The following NKIRAS1 variants were observed in gnomAD, a reference collection of about 807,000 sequenced individuals.
NKIRAS1 encodes the protein NF-kappa-B inhibitor-interacting Ras-like protein 1.
NKIRAS1 carries 16 observed loss-of-function variants against 19.8 expected under a neutral mutation model. The ratio of observed to expected loss-of-function variants is 0.81; its 90% CI spans 0.55 to 1.23. The LOEUF is 1.23. Ranked by LOEUF, NKIRAS1 falls within the 50% of genes most tolerant of loss-of-function variation. The probability of loss-of-function intolerance (pLI) is 0.00; values close to 1 mark genes in which losing one functional copy is unlikely to be tolerated. For missense variants in NKIRAS1, 184 were observed against 220.0 expected, an observed-to-expected ratio of 0.84 and a Z score of 1.04; for synonymous variants, 88 against 79.0, an observed-to-expected ratio of 1.11 and a Z score of -0.61.
At chr3:23,909,761 T>C (rs1364725551) in intron 3 of NKIRAS1, among the ~76,000 whole-genome samples, 1 of 152,148 alleles carries the variant, frequency 6.6e-6, no homozygotes, top group Non-Finnish European at 1.5e-5. Context: ...ATGAATGAGG[T>C]AGCCCAATTC....
chr3:23,945,507 G>A, intron 1 of NKIRAS1: 3 of 964,716 alleles, frequency 3.1e-6, no homozygotes, highest in Non-Finnish European at 1.3e-6. Flanking sequence ...GCGGCGCGGC[G>A]CTGAGGCGGC....
Position 23,900,964 on chromosome 3 carries a change from A to G in NKIRAS1, c.180T>C (p.Tyr60=), listed in dbSNP as rs1194228902. 1 of 1,614,096 alleles carries G rather than the reference A, an allele frequency of 6.2e-7. No individual in the cohort carries two copies. The highest frequency in any genetic ancestry group is 1.3e-5 in the African/African-American group (1 of 74,942). The part of the protein sequence containing the change: ...DRGVKEQLHL[Y]DTRGLQEGVE... Reference sequence around the variant, plus strand: ...CGCCTTCCTGTAGACCTCTGGTGTCATAAAGATGTAACTGTTCTTTTACTC... The same window carrying G: ...CGCCTTCCTGTAGACCTCTGGTGTCGTAAAGATGTAACTGTTCTTTTACTC... Residue 60 remains tyrosine, a synonymous_variant, in exon 4 of 5, where the codon TAT becomes TAC. Transcript: ENST00000425478.
chr3:23,923,279 A>G (rs1705147782), intron 1 of NKIRAS1: 1 of 148,008 alleles, frequency 6.8e-6, no homozygotes, highest in Non-Finnish European at 1.5e-5. Flanking sequence ...GGAGTACAGT[A>G]ACACAATCTT....
intron 3 of NKIRAS1, among the ~76,000 whole-genome samples, chr3:23,906,644 T>C (rs1414697471): frequency 6.8e-6 from 1 of 146,464 alleles, no homozygotes; most frequent in African/African-American, 2.5e-5. Context: ...TTCTTCCTTA[T>C]GATTTTTTTT....
intron 3 of NKIRAS1, among the ~76,000 whole-genome samples, chr3:23,904,345 T>C (rs1702814528): frequency 6.6e-6 from 1 of 152,178 alleles, no homozygotes; most frequent in Non-Finnish European, 1.5e-5. Context: ...TGTGTTGTTA[T>C]GGCACAGTCC....
chr3:23,946,071 G>T, intron 1 of NKIRAS1: 1 of 981,960 alleles, frequency 1.0e-6, no homozygotes, highest in Non-Finnish European at 1.2e-6. Flanking sequence ...GCAGCCTCCC[G>T]GGAGGCTCCG....
chr3:23,916,294 A>T (rs1008632572), intron 1 of NKIRAS1: 8 of 152,266 alleles, frequency 5.3e-5, no homozygotes, highest in African/African-American at 1.9e-4. Context: ...GTAAGCCAGT[A>T]ACCTATTTCT....
intron 3 of NKIRAS1, among the ~76,000 whole-genome samples, chr3:23,906,527 C>A (rs945946459): frequency 2.6e-5 from 4 of 152,200 alleles, no homozygotes; most frequent in African/African-American, 9.7e-5. Context: ...CCTGACACAG[C>A]AAGACCAATC....
chr3:23,910,595 T>A (rs928948984), intron 3 of NKIRAS1, among the ~76,000 whole-genome samples: 13 of 152,254 alleles, frequency 8.5e-5, no homozygotes, highest in Non-Finnish European at 1.8e-4. Context: ...TGGCCATTTC[T>A]TTCCTTACCT....
intron 3 of NKIRAS1, among the ~76,000 whole-genome samples, chr3:23,910,565 C>G (rs1029918756): frequency 1.3e-5 from 2 of 152,172 alleles, no homozygotes; most frequent in Non-Finnish European, 2.9e-5. Flanking sequence ...GAATATATAT[C>G]CATATTGATC....
intron 1 of NKIRAS1, among the ~76,000 whole-genome samples, chr3:23,933,159 G>C (rs1705344357): frequency 6.6e-6 from 1 of 152,180 alleles, no homozygotes; most frequent in South Asian, 2.1e-4. Flanking sequence ...TGTGTATTGT[G>C]TTAAGTGCTA....
intron 3 of NKIRAS1, among the ~76,000 whole-genome samples, chr3:23,907,774 C>T (rs1224484647): frequency 6.6e-6 from 1 of 152,066 alleles, no homozygotes; most frequent in Non-Finnish European, 1.5e-5. Context: ...AATCTCAAGC[C>T]TTGAGTATAT....
chr3:23,939,887 T>C (rs965513740), intron 1 of NKIRAS1, among the ~76,000 whole-genome samples: 2 of 152,240 alleles, frequency 1.3e-5, no homozygotes, highest in African/African-American at 4.8e-5. Flanking sequence ...AATAATAATT[T>C]ATCAAACTGA....
chr3:23,897,243 T>C (rs928931490), intron 4 of NKIRAS1, among the ~76,000 whole-genome samples: 30 of 151,938 alleles, frequency 2.0e-4, no homozygotes, highest in Admixed American at 2.0e-3. Context: ...TTTTAATGTA[T>C]ACTCCTATTT....
At position 23,935,086 on chromosome 3, in the gene NKIRAS1, A is replaced by C. The variant is rs551498320; in HGVS notation, c.-140+11237T>G. ...TTTATTTTTGAGACAGGGCTTTGCT[A>C]TGCTGCCCAGGCTGGTCTCAAACTC... On this transcript the variant is annotated intron_variant, in intron 1 of 4. Transcript: ENST00000421515. Among the ~76,000 whole-genome samples, 81 of 152,192 alleles carry C rather than the reference A, an allele frequency of 5.3e-4. No individual in the cohort carries two copies. In the South Asian group the frequency reaches 0.016, roughly 29 times the overall value.
In NKIRAS1 at chr3:23,893,204, A is replaced by G. The variant is rs1559499995; in HGVS notation, c.470T>C (p.Leu157Pro). ...GGCTAATAAAGTGAATGGTTCAATC[A>G]GAGTTTTCCGATCTGTAACAGTCAC... ...WEVTVTDRKT[L>P]IEPFTLLASK... is the part of the protein sequence containing the mutation. The change falls in exon 5 of 5, where the codon CTG becomes CCG. Residue 157 changes from leucine to proline, a missense_variant. Leu to Pro is a moderately conservative substitution (Grantham distance 98). Coordinates refer to ENST00000425478, the MANE Select transcript of NKIRAS1 (RefSeq NM_020345.4). 1.2e-6 allele frequency: 2 copies of G among 1,614,058 alleles called. No homozygotes were observed. Among genetic ancestry groups the G allele is most frequent in the Non-Finnish European group, 1.7e-6 (2 of 1,179,988 alleles).
intron 3 of NKIRAS1, among the ~76,000 whole-genome samples, chr3:23,901,938 T>C (rs1003602114): frequency 4.6e-5 from 7 of 152,180 alleles, no homozygotes; most frequent in Non-Finnish European, 7.3e-5. Context: ...CTGGGTGTGG[T>C]GGCGGGCACC....
chr3:23,907,019 A>T (rs1049037506), intron 3 of NKIRAS1, among the ~76,000 whole-genome samples: 1 of 151,910 alleles, frequency 6.6e-6, no homozygotes, highest in African/African-American at 2.4e-5. Context: ...TCAGCCTCCT[A>T]GATAGCTGAG....
intron 1 of NKIRAS1, among the ~76,000 whole-genome samples, chr3:23,945,757 G>T (rs1344547979): frequency 6.7e-6 from 1 of 150,196 alleles, no homozygotes; most frequent in African/African-American, 2.4e-5. Context: ...ATCGCCCCCC[G>T]GGCCGCCCGG....
Sources: allele counts gnomAD v4.1 joint callset (sites outside exome capture counted in the v4.1 genomes callset), GRCh38; gene constraint gnomAD v4.1.1; transcripts MANE v1.5; gene names NCBI Gene and HGNC (gene_info 2026-07-23, HGNC 2026-07-21).